AGMO: variants seen among roughly 807,000 people sequenced by gnomAD.
AGMO encodes glyceryl-ether monooxygenase.
AGMO carries 75 observed loss-of-function variants against 60.2 expected under a neutral mutation model. That is an observed-to-expected ratio of 1.25 (90% CI 1.03 to 1.51). AGMO has a LOEUF of 1.51. Ranked by LOEUF, AGMO falls within the 40% of genes most tolerant of loss-of-function variation. The pLI, the probability that AGMO is intolerant of heterozygous loss-of-function variation, is 0.00. For synonymous variants in AGMO, 261 were observed against 177.1 expected (o/e 1.47, Z -3.76); for missense variants, 763 against 525.5 (o/e 1.45, Z -4.42).
At chr7:15,423,810 T>C (rs549669270) in intron 4 of AGMO, among the ~76,000 whole-genome samples, 4 of 152,054 alleles carry the variant, frequency 2.6e-5, no homozygotes, top group Non-Finnish European at 5.9e-5. Flanking sequence ...GTGGGGGGCA[T>C]GGAACTGAGT....
rs1164788675 is a variant in AGMO at position 15,560,222 on chromosome 7, C to T, written c.176G>A (p.Trp59Ter). The T allele has an allele frequency of 6.2e-7, 1 of 1,612,788 alleles. No individual in the cohort carries two copies. The highest frequency in any genetic ancestry group is 1.1e-5 in the South Asian group (1 of 91,016). ...ACCTGGTGGCTTTCCTTTGAGAATC[C>T]AGCTGACAACAAGTTCAAGCAGCAT... ...SLMLLELVVSWILKGKPPGRL... is the reference protein window; with the variant it reads ...SLMLLELVVS Residue 59 changes from tryptophan to a stop codon, truncating the protein, a stop_gained, in exon 2 of 13, where the codon TGG becomes TAG. Coordinates refer to ENST00000342526, the MANE Select transcript of AGMO (RefSeq NM_001004320.2). LOFTEE classifies it high-confidence loss of function.
chr7:15,309,300 A>G (rs1431719433), intron 12 of AGMO, among the ~76,000 whole-genome samples: 1 of 152,156 alleles, frequency 6.6e-6, no homozygotes. Context: ...ATAGGAGTAC[A>G]TCTCCAAATT....
the AGMO span, among the ~76,000 whole-genome samples, chr7:15,163,301 G>T: frequency 6.6e-6 from 1 of 152,092 alleles, no homozygotes; most frequent in African/African-American, 2.4e-5. Context: ...TTTCCAATTT[G>T]CATGCTTTTT....
At chr7:15,344,286 C>G (rs1781957283) in intron 12 of AGMO, among the ~76,000 whole-genome samples, 1 of 152,104 alleles carries the variant, frequency 6.6e-6, no homozygotes, top group African/African-American at 2.4e-5. Flanking sequence ...AGTCTTTTCT[C>G]CAAAAAGCTA....
At chr7:15,211,292 C>A (rs910994744) in intron 12 of AGMO, among the ~76,000 whole-genome samples, 1 of 151,644 alleles carries the variant, frequency 6.6e-6, no homozygotes, top group Non-Finnish European at 1.5e-5. Flanking sequence ...TTAAAAGACT[C>A]AAATTAAAAG....
chr7:15,542,235 T>C (rs1316354597), intron 3 of AGMO, among the ~76,000 whole-genome samples: 1 of 152,208 alleles, frequency 6.6e-6, no homozygotes, highest in African/African-American at 2.4e-5. Context: ...CCATTACAAG[T>C]CAAAAGTCTT....
At chr7:15,423,933 A>G (rs954101232) in intron 4 of AGMO, among the ~76,000 whole-genome samples, 36 of 152,154 alleles carry the variant, frequency 2.4e-4, no homozygotes, top group Admixed American at 3.9e-4. Context: ...AGCTCTGGGT[A>G]CTTTGTTACA....
intron 12 of AGMO, among the ~76,000 whole-genome samples, chr7:15,278,961 A>T (rs1230373866): frequency 6.6e-6 from 1 of 151,710 alleles, no homozygotes; most frequent in African/African-American, 2.4e-5. Flanking sequence ...TAGTCTGCCC[A>T]CTCCTCTGTG....
chr7:15,333,042 C>G (rs549502297), intron 12 of AGMO, among the ~76,000 whole-genome samples: 1 of 152,070 alleles, frequency 6.6e-6, no homozygotes, highest in African/African-American at 2.4e-5. Flanking sequence ...AGCATATAGT[C>G]CAAGCTTATA....
chr7:15,212,967 T>G (rs983534793), intron 12 of AGMO, among the ~76,000 whole-genome samples: 1 of 152,002 alleles, frequency 6.6e-6, no homozygotes, highest in Non-Finnish European at 1.5e-5. Context: ...ATTGTGTTAT[T>G]ATTGTCAGCA....
chr7:15,428,919 C>T lies in AGMO; in HGVS notation c.513+2086G>A, dbSNP rs1781146250. Among the ~76,000 whole-genome samples, 3 of 151,946 alleles carry T rather than the reference C, an allele frequency of 2.0e-5. No homozygotes were observed. The South Asian group carries it at 6.2e-4, about 32-fold the overall frequency. ...AGATTTTGGAGACCAGCCATATATC[C>T]AGCCTATATATTCAGCCTTTTGAAA... is the stretch of plus-strand genomic sequence containing the variant. On this transcript the variant is annotated intron_variant, in intron 4 of 12. Coordinates refer to ENST00000342526, the MANE Select transcript of AGMO (RefSeq NM_001004320.2).
chr7:15,544,862 A>G lies in AGMO; in HGVS notation c.319T>C (p.Phe107Leu), dbSNP rs766074394. Reference sequence around the variant, plus strand: ...CATGGAGAATCCCAAGGCAAATTGAACAGCCTGTAGTTCTCCCAGATATAA... The same window carrying G: ...CATGGAGAATCCCAAGGCAAATTGAGCAGCCTGTAGTTCTCCCAGATATAA... The part of the protein sequence containing the change: ...YIYIWENYRL[F>L]NLPWDSPWTW... Residue 107 changes from phenylalanine to leucine, a missense_variant, in exon 3 of 13, where the codon TTC (phenylalanine) becomes CTC (leucine). Physicochemically the swap from Phe to Leu is conservative, Grantham distance 22 (BLOSUM62 0). Coordinates refer to ENST00000342526, the MANE Select transcript of AGMO (RefSeq NM_001004320.2). 153 of 1,607,268 alleles carry G rather than the reference A, an allele frequency of 9.5e-5. No individual in the cohort carries two copies. Among genetic ancestry groups the G allele is most frequent in the Non-Finnish European group, 1.3e-4 (150 of 1,176,354 alleles).
At chr7:15,304,417 G>C (rs1335282390) in intron 12 of AGMO, among the ~76,000 whole-genome samples, 5 of 151,940 alleles carry the variant, frequency 3.3e-5, no homozygotes, top group Admixed American at 6.6e-5. Context: ...CAGAAATTTT[G>C]GGTACAATCT....
At chr7:15,358,260 AAG>A (rs1782618549) in intron 12 of AGMO, 3 of 260,742 alleles carry the variant, frequency 1.2e-5, no homozygotes, top group East Asian at 2.3e-4. Context: ...ATAAAAATTG[AAG>A]AGTCTTAAGG....
chr7:15,210,387 A>G (rs1337905598), intron 12 of AGMO, among the ~76,000 whole-genome samples: 1 of 152,182 alleles, frequency 6.6e-6, no homozygotes, highest in Non-Finnish European at 1.5e-5. Flanking sequence ...TTAATCTGGA[A>G]GATGTTGATT....
chr7:15,245,863 A>C (rs1782725303), intron 12 of AGMO, among the ~76,000 whole-genome samples: 1 of 152,184 alleles, frequency 6.6e-6, no homozygotes, highest in Non-Finnish European at 1.5e-5. Context: ...AAAGAAGGGA[A>C]TCCCCCAAAG....
At chr7:15,314,851 T>A (rs569401874) in intron 12 of AGMO, among the ~76,000 whole-genome samples, 15 of 152,128 alleles carry the variant, frequency 9.9e-5, no homozygotes, top group East Asian at 7.7e-4. Flanking sequence ...GTGAACTTTC[T>A]CTTGCTAGAG....
intron 8 of AGMO, among the ~76,000 whole-genome samples, chr7:15,389,211 A>T (rs746288498): frequency 6.6e-6 from 1 of 152,302 alleles, no homozygotes; most frequent in East Asian, 1.9e-4. Context: ...CAGACCACAG[A>T]ACTACTGAAC....
At chr7:15,526,102 C>T (rs1348801990) in intron 3 of AGMO, among the ~76,000 whole-genome samples, 3 of 152,124 alleles carry the variant, frequency 2.0e-5, no homozygotes, top group East Asian at 1.9e-4. Flanking sequence ...ATGGGATTCA[C>T]GCCAGGGTGC....
Sources: allele counts gnomAD v4.1 joint callset (sites outside exome capture counted in the v4.1 genomes callset), GRCh38; gene constraint gnomAD v4.1.1; transcripts MANE v1.5; gene names NCBI Gene and HGNC (gene_info 2026-07-23, HGNC 2026-07-21).